FAM81A: variants seen among roughly 807,000 people sequenced by gnomAD.
FAM81A encodes the protein family with sequence similarity 81 member A, also known as protein FAM81A.
Under a neutral mutation model 46.7 loss-of-function variants are expected in FAM81A, and 19 were observed. That is an observed-to-expected ratio of 0.41 (90% CI 0.28 to 0.60). The LOEUF (loss-of-function observed/expected upper bound fraction) is 0.60, where lower values mean the gene tolerates loss of function less well. FAM81A is among the 20% of genes least tolerant of loss of function. FAM81A has a pLI of 0.34. For missense variants in FAM81A, 377 were observed against 453.5 expected (o/e 0.83, Z 1.53); for synonymous variants, 183 against 152.9 (o/e 1.20, Z -1.45).
chr15:59,399,198 C>G (rs745559868), intron 1 of FAM81A, among the ~76,000 whole-genome samples: 1 of 151,920 alleles, frequency 6.6e-6, no homozygotes, highest in East Asian at 1.9e-4. Context: ...AAAAGAAGAA[C>G]AAAAAGAATC....
At chr15:59,485,067 G>C (rs565245462) in intron 3 of FAM81A, among the ~76,000 whole-genome samples, 1 of 152,282 alleles carries the variant, frequency 6.6e-6, no homozygotes, top group East Asian at 1.9e-4. Flanking sequence ...GAAGGACTTT[G>C]GTGGTTTCGG....
At chr15:59,442,466 A>G (rs911406893) in intron 1 of FAM81A, among the ~76,000 whole-genome samples, 3 of 151,800 alleles carry the variant, frequency 2.0e-5, no homozygotes, top group Admixed American at 1.3e-4. Context: ...AAAATACAAA[A>G]ATTAGCTGGG....
chr15:59,425,291 A>G (rs1216257341), intron 2 of FAM81A, among the ~76,000 whole-genome samples: 2 of 152,194 alleles, frequency 1.3e-5, no homozygotes, highest in African/African-American at 4.8e-5. Flanking sequence ...AAACAAATAA[A>G]ATGACTTACC....
chr15:59,478,377 C>G lies in FAM81A; in HGVS notation c.295-13894C>G, dbSNP rs143711632. ...GCTAGTTTAATAATTTGCAAAAGGA[C>G]TACTGGAGTTTTTGAACTTGAGCGA... On this transcript the variant is annotated intron_variant, in intron 3 of 8. Transcript: ENST00000288228. 8.0e-3 allele frequency among the ~76,000 whole-genome samples: 1,223 copies of G among 152,242 alleles called. 18 individuals carry two copies. Among genetic ancestry groups the G allele is most frequent in the African/African-American group, 0.027 (1,132 of 41,544 alleles).
chr15:59,520,678 C>T (rs1357109867), intron 8 of FAM81A, among the ~76,000 whole-genome samples: 1 of 151,870 alleles, frequency 6.6e-6, no homozygotes, highest in African/African-American at 2.4e-5. Context: ...ATTCTCCCTG[C>T]CTCAGCCTCC....
At chr15:59,463,422 A>C (rs926011861) in intron 3 of FAM81A, among the ~76,000 whole-genome samples, 1 of 152,202 alleles carries the variant, frequency 6.6e-6, no homozygotes, top group Admixed American at 6.6e-5. Context: ...ACTTGCAACT[A>C]ATGTAAGTTC....
chr15:59,516,335 G>T (rs186924768), intron 7 of FAM81A, among the ~76,000 whole-genome samples: 2 of 152,132 alleles, frequency 1.3e-5, no homozygotes, highest in Non-Finnish European at 2.9e-5. Flanking sequence ...TCACCATGTT[G>T]GCCAGGCTTG....
At chr15:59,400,140 C>A (rs2140461197) in intron 1 of FAM81A, among the ~76,000 whole-genome samples, 1 of 152,242 alleles carries the variant, frequency 6.6e-6, no homozygotes, top group East Asian at 1.9e-4. Context: ...TGCAAAGGCA[C>A]CTCCAAGTCA....
At chr15:59,478,166 T>A (rs2081797614) in intron 3 of FAM81A, among the ~76,000 whole-genome samples, 1 of 152,120 alleles carries the variant, frequency 6.6e-6, no homozygotes, top group Non-Finnish European at 1.5e-5. Context: ...TTTAGCTGTG[T>A]CTCTGGCCTT....
At chr15:59,442,678 T>C (rs1299210808) in intron 1 of FAM81A, among the ~76,000 whole-genome samples, 1 of 127,196 alleles carries the variant, frequency 7.9e-6, no homozygotes, top group Non-Finnish European at 1.8e-5. Flanking sequence ...ATAATTAAAA[T>C]AATTCCCAAC....
chr15:59,493,009 A>G (rs564912673), intron 4 of FAM81A, among the ~76,000 whole-genome samples: 1 of 152,144 alleles, frequency 6.6e-6, no homozygotes, highest in Non-Finnish European at 1.5e-5. Flanking sequence ...GTCTAGGGCT[A>G]TTTTTATCTG....
chr15:59,480,549 G>A (rs2081837035), intron 3 of FAM81A, among the ~76,000 whole-genome samples: 1 of 152,122 alleles, frequency 6.6e-6, no homozygotes. Flanking sequence ...ACTTTTTCAA[G>A]GTGGCTAGCT....
chr15:59,502,051 C>T (rs1299938052), intron 4 of FAM81A, among the ~76,000 whole-genome samples: 3 of 151,648 alleles, frequency 2.0e-5, no homozygotes, highest in Non-Finnish European at 4.4e-5. Context: ...TTACAAAACT[C>T]ACCAATTGTT....
chr15:59,401,556 C>T (rs1379803970), intron 1 of FAM81A: 1 of 770,914 alleles, frequency 1.3e-6, no homozygotes, highest in East Asian at 2.4e-5. Flanking sequence ...TTAGTAACCA[C>T]CCTCTTCCAT....
chr15:59,442,539 C>T (rs2081309768), intron 1 of FAM81A, among the ~76,000 whole-genome samples: 1 of 149,552 alleles, frequency 6.7e-6, no homozygotes, highest in Non-Finnish European at 1.5e-5. Flanking sequence ...ATTGCTTGAA[C>T]CCAGAAGGTG....
intron 2 of FAM81A, among the ~76,000 whole-genome samples, chr15:59,424,158 A>G (rs898761607): frequency 4.6e-5 from 7 of 152,200 alleles, no homozygotes; most frequent in Non-Finnish European, 8.8e-5. Context: ...TTTTTGGGCT[A>G]TACCTTTTGG....
In FAM81A at chr15:59,460,400, G is replaced by T; in HGVS notation, c.294+194G>T. The T allele has an allele frequency of 1.3e-6, 1 of 757,512 alleles. No homozygotes were observed. The highest frequency in any genetic ancestry group is 2.3e-6 in the Non-Finnish European group (1 of 435,220). The allele number at this position is 757,512 out of a possible 1,614,324, so 46.9% of individuals were successfully genotyped here. A position where few individuals can be genotyped will look rare whatever the true frequency, so the allele number is the denominator to read the frequency against. ...CCTAATTAAATTTATTCCAGTGTTT[G>T]ATAACAGTTACTGTTAGTGTTATGT... On this transcript the variant is annotated intron_variant, in intron 3 of 8. Transcript: ENST00000288228. This position sits in a 1 kb window ranked among gnomAD's most constrained non-coding sequence, Gnocchi z 4.4.
chr15:59,520,563 ATT>A (rs71119482), intron 8 of FAM81A, among the ~76,000 whole-genome samples: 153 of 122,214 alleles, frequency 1.3e-3, no homozygotes, highest in South Asian at 5.8e-3. Flanking sequence ...TGTTTGCTTC[ATT>A]TTTTTTTTTT....
intron 5 of FAM81A, 132 bp downstream of exon 5, chr15:59,507,474 C>T: frequency 8.0e-7 from 1 of 1,247,930 alleles, no homozygotes; most frequent in Non-Finnish European, 1.1e-6. Context: ...TCATAAGCAT[C>T]TTTTCTTTGA....
Sources: gnomAD v4.1 joint callset for allele counts (sites outside exome capture counted in the v4.1 genomes callset) on GRCh38, gnomAD v4.1.1 for gene constraint, Gnocchi (gnomAD v3.1) non-coding constraint, MANE v1.5 for transcripts, NCBI Gene and HGNC (gene_info 2026-07-23, HGNC 2026-07-21) for gene names.